LRRIQ3: variants seen among roughly 807,000 people sequenced by gnomAD.
LRRIQ3 encodes the protein leucine rich repeats and IQ motif containing 3.
LRRIQ3 carries 75 observed loss-of-function variants against 59.3 expected under a neutral mutation model. The ratio of observed to expected loss-of-function variants is 1.26; its 90% CI spans 1.05 to 1.53. The LOEUF (loss-of-function observed/expected upper bound fraction) is 1.53, where lower values mean the gene tolerates loss of function less well. Among genes scored for constraint, LRRIQ3 ranks in the 40% most tolerant of loss-of-function variants. LRRIQ3 has a pLI of 0.00. For missense variants in LRRIQ3, 831 were observed against 710.0 expected (o/e 1.17, Z -1.94); for synonymous variants, 250 against 231.3 (o/e 1.08, Z -0.73).
chr1:74,121,568 ATCT>A (rs945481309), intron 4 of LRRIQ3, among the ~76,000 whole-genome samples: 5 of 151,860 alleles, frequency 3.3e-5, no homozygotes, highest in African/African-American at 1.2e-4. Context: ...TTGGTTACAG[ATCT>A]TCTCATTACT....
At chr1:74,129,356 T>C (rs962224050) in intron 4 of LRRIQ3, among the ~76,000 whole-genome samples, 3 of 151,998 alleles carry the variant, frequency 2.0e-5, no homozygotes, top group Non-Finnish European at 4.4e-5. Context: ...TCCCTGTAAC[T>C]ATCACCACCC....
At chr1:74,033,307 C>T (rs988233440) in intron 7 of LRRIQ3, among the ~76,000 whole-genome samples, 42 of 151,892 alleles carry the variant, frequency 2.8e-4, no homozygotes, top group Admixed American at 2.5e-3. Context: ...AATGAAAGAA[C>T]TTTAGAGACA....
At chr1:74,068,640 T>C (rs530645312) in intron 6 of LRRIQ3, among the ~76,000 whole-genome samples, 11 of 152,210 alleles carry the variant, frequency 7.2e-5, no homozygotes, top group African/African-American at 1.4e-4. Flanking sequence ...AAATATTACA[T>C]AGATACAAAA....
chr1:74,112,565 C>A (rs566893100), intron 4 of LRRIQ3, among the ~76,000 whole-genome samples: 2 of 152,050 alleles, frequency 1.3e-5, no homozygotes, highest in Non-Finnish European at 2.9e-5. Flanking sequence ...TTGTTAAAGA[C>A]AATAGAACAA....
intron 4 of LRRIQ3, among the ~76,000 whole-genome samples, chr1:74,118,184 C>T (rs1268380680): frequency 6.6e-6 from 1 of 152,086 alleles, no homozygotes; most frequent in Non-Finnish European, 1.5e-5. Context: ...TATACACACA[C>T]ACACACAATT....
At chr1:74,070,091 T>C (rs141597573) in intron 6 of LRRIQ3, among the ~76,000 whole-genome samples, 1 of 152,186 alleles carries the variant, frequency 6.6e-6, no homozygotes, top group Non-Finnish European at 1.5e-5. Flanking sequence ...AACTTCAGAA[T>C]TACTATTTGG....
At chr1:74,181,113 G>C in intron 3 of LRRIQ3, 1 of 253,732 alleles carries the variant, frequency 3.9e-6, no homozygotes, top group Non-Finnish European at 7.6e-6. Flanking sequence ...GTGAAAGAAT[G>C]AAGAAATAAA....
intron 3 of LRRIQ3, among the ~76,000 whole-genome samples, chr1:74,179,635 C>T (rs1312326856): frequency 2.0e-5 from 3 of 151,838 alleles, no homozygotes; most frequent in South Asian, 2.1e-4. Flanking sequence ...ATTTTTGTTG[C>T]TGTAAATTAA....
intron 5 of LRRIQ3, among the ~76,000 whole-genome samples, chr1:74,097,056 C>A (rs559465252): frequency 1.3e-5 from 2 of 152,054 alleles, no homozygotes; most frequent in Non-Finnish European, 2.9e-5. Context: ...GCTGGGAGAA[C>A]CACTACTCTC....
At chr1:74,057,889 C>T (rs2100434461) in intron 6 of LRRIQ3, among the ~76,000 whole-genome samples, 1 of 151,978 alleles carries the variant, frequency 6.6e-6, no homozygotes, top group East Asian at 1.9e-4. Context: ...AAACAAGCAA[C>T]CCAACTAAAA....
At chr1:74,051,650 CCT>C (rs1334459966) in intron 6 of LRRIQ3, among the ~76,000 whole-genome samples, 4 of 152,106 alleles carry the variant, frequency 2.6e-5, no homozygotes, top group South Asian at 2.1e-4. Flanking sequence ...TTCACCATCC[CCT>C]GTCTCCTACC....
chr1:74,051,290 G>A lies in LRRIQ3; in HGVS notation c.998-9357C>T, dbSNP rs149590426. On this transcript the variant is annotated intron_variant, in intron 6 of 7. Transcript: ENST00000354431. Reference sequence around the variant, plus strand: ...ACTAAAACATGAATTTATAAGTACCGTTCACACTAATGTACAAATTGCTTA... The same window carrying A: ...ACTAAAACATGAATTTATAAGTACCATTCACACTAATGTACAAATTGCTTA... 3.4e-3 allele frequency among the ~76,000 whole-genome samples: 523 copies of A among 152,092 alleles called. 2 individuals carry two copies. The highest frequency in any genetic ancestry group is 5.3e-3 in the Non-Finnish European group (363 of 67,992).
intron 5 of LRRIQ3, chr1:74,084,125 A>T (rs1362920976): frequency 3.9e-6 from 6 of 1,531,408 alleles, no homozygotes; most frequent in African/African-American, 1.4e-5. Context: ...TGTCCAATGA[A>T]TGATGTGCAT....
chr1:74,098,718 T>G (rs1353567287), intron 5 of LRRIQ3, among the ~76,000 whole-genome samples: 1 of 152,144 alleles, frequency 6.6e-6, no homozygotes, highest in Non-Finnish European at 1.5e-5. Flanking sequence ...CAGACCACAG[T>G]GCAATCAAAC....
intron 5 of LRRIQ3, among the ~76,000 whole-genome samples, chr1:74,091,177 C>T (rs1016414249): frequency 3.9e-5 from 6 of 151,972 alleles, no homozygotes; most frequent in African/African-American, 1.4e-4. Flanking sequence ...ACAGCTACAG[C>T]ATGATACAAG....
intron 7 of LRRIQ3, among the ~76,000 whole-genome samples, chr1:74,033,562 A>G (rs1653780917): frequency 6.6e-6 from 1 of 151,942 alleles, no homozygotes; most frequent in South Asian, 2.1e-4. Context: ...CCAAGTGATA[A>G]GAGGATCTTT....
chr1:74,106,487 C>G (rs961411767), intron 5 of LRRIQ3, among the ~76,000 whole-genome samples: 1 of 151,888 alleles, frequency 6.6e-6, no homozygotes, highest in African/African-American at 2.4e-5. Context: ...ACACTATATT[C>G]CTTCTAAATT....
At chr1:74,032,097 G>A (rs1187402613) in intron 7 of LRRIQ3, among the ~76,000 whole-genome samples, 2 of 151,534 alleles carry the variant, frequency 1.3e-5, no homozygotes, top group Non-Finnish European at 2.9e-5. Context: ...TATGCCAAGA[G>A]CCTCTATGAT....
chr1:74,042,374 T>C (rs1356531893), intron 6 of LRRIQ3, among the ~76,000 whole-genome samples: 2 of 152,108 alleles, frequency 1.3e-5, no homozygotes, highest in African/African-American at 4.8e-5. Flanking sequence ...GGAGTATTTA[T>C]AGATAGAAAA....
Sources: allele counts gnomAD v4.1 joint callset (sites outside exome capture counted in the v4.1 genomes callset), GRCh38; gene constraint gnomAD v4.1.1; transcripts MANE v1.5; gene names NCBI Gene and HGNC (gene_info 2026-07-23, HGNC 2026-07-21).